Variants in ANKH observed in about 807,000 individuals in gnomAD.
The protein encoded by ANKH is ANKH inorganic pyrophosphate transport regulator.
A neutral mutation model predicts 49.0 loss-of-function variants in ANKH; 15 were observed. The ratio of observed to expected loss-of-function variants is 0.31; its 90% CI spans 0.20 to 0.47. The LOEUF (loss-of-function observed/expected upper bound fraction) is 0.47, where lower values mean the gene tolerates loss of function less well. ANKH is among the 20% of genes least tolerant of loss of function. The probability of loss-of-function intolerance (pLI) is 1.00; values close to 1 mark genes in which losing one functional copy is unlikely to be tolerated. For missense variants in ANKH, 429 were observed against 652.0 expected (o/e 0.66, Z 3.72); for synonymous variants, 273 against 260.0 (o/e 1.05, Z -0.48).
At chr5:14,797,045 C>G in intron 1 of ANKH, 1 of 1,242,956 alleles carries the variant, frequency 8.0e-7, no homozygotes, top group East Asian at 3.4e-5. Context: ...TAAAATCTGT[C>G]TCAGAACCAG....
chr5:14,857,899 G>T lies in ANKH; in HGVS notation c.96+13453C>A, dbSNP rs74651169. 7.6e-3 allele frequency among the ~76,000 whole-genome samples: 1,151 copies of T among 152,258 alleles called. 15 individuals are homozygous for T. Among genetic ancestry groups the T allele is most frequent in the African/African-American group, 0.027 (1,109 of 41,558 alleles). On this transcript the variant is annotated intron_variant, in intron 1 of 11. Coordinates refer to ENST00000284268, the MANE Select transcript of ANKH (RefSeq NM_054027.6). The stretch of plus-strand genomic sequence containing the variant: ...AAAGCTGGAACAACTGTCTATACAG[G>T]GGTGTGGGGCCGCTCTGCAGAAGCC...
chr5:14,817,005 G>A (rs756348410), intron 1 of ANKH, among the ~76,000 whole-genome samples: 3 of 152,132 alleles, frequency 2.0e-5, no homozygotes, highest in Admixed American at 6.5e-5. Flanking sequence ...AATCTGCTTC[G>A]ATGATCCCAT....
chr5:14,761,496 A>C (rs541615628), intron 2 of ANKH, among the ~76,000 whole-genome samples: 97 of 152,288 alleles, frequency 6.4e-4, no homozygotes, highest in African/African-American at 2.2e-3. Context: ...GAAGGAAAAG[A>C]AACTCATCTG....
In ANKH at chr5:14,713,059, T is replaced by G; in HGVS notation, c.1266-86A>C. On this transcript the variant is annotated intron_variant, in intron 10 of 11. Transcript: ENST00000284268. The surrounding 1 kb of genome is among the most constrained non-coding windows in gnomAD (Gnocchi z 4.4). Reference sequence around the variant, plus strand: ...ATGCCAAAACCCAGGAAAGTAAGTGTAGCCTCGAGACGGCTGAGACCAGCG... The same window carrying G: ...ATGCCAAAACCCAGGAAAGTAAGTGGAGCCTCGAGACGGCTGAGACCAGCG... The G allele has an allele frequency of 1.5e-6, 2 of 1,317,228 alleles. No individual in the cohort carries two copies. Among genetic ancestry groups the G allele is most frequent in the Non-Finnish European group, 1.1e-6 (1 of 936,242 alleles). 81.6% of individuals were successfully genotyped at this position (1,317,228 alleles called of 1,614,324 possible).
chr5:14,810,004 C>T (rs1446629103), intron 1 of ANKH, among the ~76,000 whole-genome samples: 1 of 152,128 alleles, frequency 6.6e-6, no homozygotes, highest in Non-Finnish European at 1.5e-5. Flanking sequence ...TTTGTGTTCC[C>T]TGGTGGCACT....
chr5:14,775,460 T>G (rs1380470894), intron 1 of ANKH, among the ~76,000 whole-genome samples: 1 of 152,238 alleles, frequency 6.6e-6, no homozygotes, highest in African/African-American at 2.4e-5. Flanking sequence ...CTCAAAATAC[T>G]GCACAATTTT....
At chr5:14,782,031 AC>A (rs1739822731) in intron 1 of ANKH, among the ~76,000 whole-genome samples, 1 of 151,798 alleles carries the variant, frequency 6.6e-6, no homozygotes, top group Non-Finnish European at 1.5e-5. Flanking sequence ...TTTCTTGATG[AC>A]CCCAGTGCCT....
chr5:14,802,728 C>G (rs1726341819), intron 1 of ANKH, among the ~76,000 whole-genome samples: 1 of 152,120 alleles, frequency 6.6e-6, no homozygotes, highest in Non-Finnish European at 1.5e-5. Context: ...CTGCCTCCCC[C>G]TGGCTGCTCC....
intron 1 of ANKH, among the ~76,000 whole-genome samples, chr5:14,804,553 A>C (rs992495420): frequency 6.6e-6 from 1 of 152,308 alleles, no homozygotes; most frequent in Middle Eastern, 3.4e-3. Context: ...CTTTACGCTT[A>C]CTTTGTTTCT....
intron 1 of ANKH, among the ~76,000 whole-genome samples, chr5:14,864,926 CAT>C (rs911924130): frequency 2.4e-4 from 36 of 152,254 alleles, no homozygotes; most frequent in African/African-American, 8.2e-4. Context: ...CACACACACA[CAT>C]ACCCCACATA....
At chr5:14,837,880 T>C (rs1036348953) in intron 1 of ANKH, among the ~76,000 whole-genome samples, 8 of 152,260 alleles carry the variant, frequency 5.3e-5, no homozygotes, top group South Asian at 4.1e-4. Context: ...AACCCAATGA[T>C]AGACTGGATT....
chr5:14,748,717 C>T (rs981376563), intron 6 of ANKH, among the ~76,000 whole-genome samples: 8 of 152,224 alleles, frequency 5.3e-5, no homozygotes, highest in Non-Finnish European at 7.3e-5. Flanking sequence ...CGGGTCAACA[C>T]GGAGGCAGCG....
At chr5:14,726,326 T>C (rs1737821526) in intron 8 of ANKH, among the ~76,000 whole-genome samples, 1 of 152,120 alleles carries the variant, frequency 6.6e-6, no homozygotes, top group African/African-American at 2.4e-5. Flanking sequence ...AGGAGGACAG[T>C]TCACGAAGGG....
chr5:14,771,649 G>A (rs188259965), intron 1 of ANKH, among the ~76,000 whole-genome samples: 125 of 152,120 alleles, frequency 8.2e-4, no homozygotes, highest in Middle Eastern at 3.4e-3. Context: ...AGCTGGGTGC[G>A]GTGGCTCACT....
At chr5:14,774,033 A>C (rs1739533661) in intron 1 of ANKH, among the ~76,000 whole-genome samples, 2 of 152,268 alleles carry the variant, frequency 1.3e-5, no homozygotes, top group Non-Finnish European at 2.9e-5. Context: ...ATTTCAAGAA[A>C]CATTCAAAAG....
intron 1 of ANKH, among the ~76,000 whole-genome samples, chr5:14,849,488 GT>G (rs1307685831): frequency 6.6e-5 from 10 of 152,128 alleles, no homozygotes; most frequent in African/African-American, 2.2e-4. Context: ...GGGCGGGAAG[GT>G]GAGCTCAACA....
Position 14,843,271 on chromosome 5 carries a change from A to T in ANKH, c.96+28081T>A, listed in dbSNP as rs370310961. Among the ~76,000 whole-genome samples the T allele has an allele frequency of 5.4e-4, 81 of 149,626 alleles. 1 individual carries two copies. The South Asian group carries it at 0.016, about 30-fold the overall frequency. ...GCTCACTGCAACCTCCGCCTCATGG[A>T]TTCAAGTGGGTCTCCTGTGTCAGCC... On this transcript the variant is annotated intron_variant, in intron 1 of 11. Coordinates refer to ENST00000284268, the MANE Select transcript of ANKH (RefSeq NM_054027.6).
chr5:14,833,054 C>T (rs968405916), intron 1 of ANKH, among the ~76,000 whole-genome samples: 5 of 152,210 alleles, frequency 3.3e-5, no homozygotes, highest in Non-Finnish European at 7.3e-5. Flanking sequence ...AGCTTGGCCC[C>T]ACAACCTGCA....
At chr5:14,824,726 C>T (rs536537190) in intron 1 of ANKH, among the ~76,000 whole-genome samples, 36 of 152,280 alleles carry the variant, frequency 2.4e-4, no homozygotes, top group Middle Eastern at 3.4e-3. Context: ...ACCACTGTAA[C>T]AGCCCAAGGA....
Sources: gnomAD v4.1 joint callset for allele counts (sites outside exome capture counted in the v4.1 genomes callset) on GRCh38, gnomAD v4.1.1 for gene constraint, Gnocchi (gnomAD v3.1) non-coding constraint, MANE v1.5 for transcripts, NCBI Gene and HGNC (gene_info 2026-07-23, HGNC 2026-07-21) for gene names.